DLG2: variants seen among roughly 807,000 people sequenced by gnomAD.
The protein encoded by DLG2 is discs large MAGUK scaffold protein 2.
DLG2 carries 45 observed loss-of-function variants against 132.5 expected under a neutral mutation model. That is an observed-to-expected ratio of 0.34 (90% confidence interval 0.27 to 0.44). DLG2 has a LOEUF of 0.44. Among genes scored for constraint, DLG2 ranks in the 20% least tolerant of loss-of-function variants. The probability of loss-of-function intolerance (pLI) is 1.00; values close to 1 mark genes in which losing one functional copy is unlikely to be tolerated. For synonymous variants in DLG2, 424 were observed against 419.6 expected, an observed-to-expected ratio of 1.01 and a Z score of -0.13; for missense variants, 1,045 against 1,196.9, an observed-to-expected ratio of 0.87 and a Z score of 1.87.
In DLG2 at chr11:83,962,874, G is replaced by C. The variant is rs1200573491; in HGVS notation, c.1340+11C>G. ...AAGAGCAAATCCAATTAACTAACAG[G>C]CATATCTGACCTGGTGTAGTCGTCG... is the stretch of plus-strand genomic sequence containing the variant. On this transcript the variant is annotated intron_variant, in intron 14 of 27. Transcript: ENST00000376104. The C allele has an allele frequency of 6.2e-7, 1 of 1,611,896 alleles. No homozygotes were observed. The highest frequency in any genetic ancestry group is 1.7e-5 in the Admixed American group (1 of 59,920).
At chr11:85,145,114 CA>C (rs2076753437) in intron 5 of DLG2, among the ~76,000 whole-genome samples, 2 of 148,884 alleles carry the variant, frequency 1.3e-5, no homozygotes, top group East Asian at 3.9e-4. Context: ...AAAGTTGTTT[CA>C]TTTTTTTTTT....
At chr11:84,636,985 G>A (rs1302767318) in intron 6 of DLG2, among the ~76,000 whole-genome samples, 4 of 151,116 alleles carry the variant, frequency 2.6e-5, no homozygotes, top group Admixed American at 1.3e-4. Context: ...ACGGGTCTTC[G>A]CCATGTTGGC....
rs574254623 is a variant in DLG2 at position 85,064,070 on chromosome 11, C to T, written c.357+47591G>A. Among the ~76,000 whole-genome samples, 80 of 151,788 alleles carry T rather than the reference C, an allele frequency of 5.3e-4. 2 individuals carry two copies. The highest frequency in any genetic ancestry group is 1.9e-3 in the African/African-American group (78 of 41,434). ...GGGTATGTTTGTTAAAAAACAAATA[C>T]GAGGACAAAACTGAATGTCTGTCAT... is the stretch of plus-strand genomic sequence containing the variant. On this transcript the variant is annotated intron_variant, in intron 6 of 27. Transcript: ENST00000376104.
chr11:83,544,530 G>GGACC (rs1287769868), intron 19 of DLG2, among the ~76,000 whole-genome samples: 1 of 152,010 alleles, frequency 6.6e-6, no homozygotes, highest in Admixed American at 6.6e-5. Context: ...CAGCAACCTA[G>GGACC]GACCAGAACT....
intron 10 of DLG2, 129 bp from the exon 11 acceptor site, chr11:84,059,613 T>A (rs1463127187): frequency 1.3e-6 from 1 of 753,576 alleles, no homozygotes; most frequent in Non-Finnish European, 2.0e-6. Flanking sequence ...TATTTAAATT[T>A]GGAAGGATGC....
intron 9 of DLG2, among the ~76,000 whole-genome samples, chr11:84,100,869 A>G (rs2092461327): frequency 6.6e-6 from 1 of 152,080 alleles, no homozygotes; most frequent in South Asian, 2.1e-4. Flanking sequence ...AATTTATAAA[A>G]CTGATTTCCA....
chr11:83,469,032 A>C (rs1341415191), intron 25 of DLG2, among the ~76,000 whole-genome samples, 169 bp downstream of exon 25: 1 of 152,128 alleles, frequency 6.6e-6, no homozygotes, highest in East Asian at 1.9e-4. Flanking sequence ...AATTAGAACA[A>C]AGATTAATGA....
chr11:83,558,159 C>T (rs1044128943), intron 19 of DLG2, among the ~76,000 whole-genome samples: 5 of 152,096 alleles, frequency 3.3e-5, no homozygotes, highest in Non-Finnish European at 7.4e-5. Context: ...TTACTTAGTC[C>T]AAAACCTCCC....
At chr11:85,057,781 C>T (rs765638382) in intron 6 of DLG2, among the ~76,000 whole-genome samples, 12 of 151,240 alleles carry the variant, frequency 7.9e-5, no homozygotes, top group Non-Finnish European at 1.8e-4. Context: ...AAGAATAACA[C>T]CACATAATTT....
chr11:83,486,592 G>C (rs1014804963), intron 21 of DLG2, among the ~76,000 whole-genome samples: 2 of 152,072 alleles, frequency 1.3e-5, no homozygotes, highest in Non-Finnish European at 2.9e-5. Context: ...CATTTCCCAA[G>C]TATGAAAATG....
intron 4 of DLG2, among the ~76,000 whole-genome samples, chr11:85,244,868 G>T (rs1257145573): frequency 6.6e-6 from 1 of 151,888 alleles, no homozygotes; most frequent in East Asian, 1.9e-4. Context: ...AGGTGATTCA[G>T]ATATTGATCA....
At chr11:84,872,398 G>T (rs189975028) in intron 6 of DLG2, among the ~76,000 whole-genome samples, 158 of 152,268 alleles carry the variant, frequency 1.0e-3, no homozygotes, top group African/African-American at 3.7e-3. Context: ...AGTGTAATAG[G>T]CAGCATCAGT....
chr11:84,444,934 C>G (rs999921640), intron 7 of DLG2, among the ~76,000 whole-genome samples: 1 of 151,990 alleles, frequency 6.6e-6, no homozygotes, highest in African/African-American at 2.4e-5. Flanking sequence ...TCCCGAATAG[C>G]TGGGATTACA....
At chr11:85,501,306 C>A (rs557468580) in intron 3 of DLG2, among the ~76,000 whole-genome samples, 1 of 152,166 alleles carries the variant, frequency 6.6e-6, no homozygotes, top group Admixed American at 6.6e-5. Flanking sequence ...GACCTAGGAC[C>A]ATAAAAATCC....
chr11:83,518,581 C>T (rs2095376227), intron 21 of DLG2, among the ~76,000 whole-genome samples: 1 of 152,190 alleles, frequency 6.6e-6, no homozygotes, highest in South Asian at 2.1e-4. Flanking sequence ...CCCAGTACCT[C>T]AGTTGGAAAT....
At chr11:84,588,967 C>G (rs1230189110) in intron 6 of DLG2, among the ~76,000 whole-genome samples, 2 of 152,064 alleles carry the variant, frequency 1.3e-5, no homozygotes, top group South Asian at 2.1e-4. Context: ...GATTGGGACC[C>G]CTTTCTGGTA....
intron 7 of DLG2, among the ~76,000 whole-genome samples, chr11:84,327,178 G>T (rs758922621): frequency 2.6e-4 from 37 of 143,596 alleles, no homozygotes; most frequent in South Asian, 8.9e-4. Context: ...GTGCGGTGGT[G>T]CAATCTCGGC....
chr11:84,504,441 C>T (rs558436319), intron 7 of DLG2, among the ~76,000 whole-genome samples: 16 of 152,230 alleles, frequency 1.1e-4, no homozygotes, highest in South Asian at 1.0e-3. Flanking sequence ...TATTATCAAA[C>T]GCTGTTACCA....
intron 6 of DLG2, among the ~76,000 whole-genome samples, chr11:84,829,486 G>A (rs1167489433): frequency 6.6e-6 from 1 of 151,708 alleles, no homozygotes; most frequent in African/African-American, 2.4e-5. Flanking sequence ...AAATGATCAT[G>A]AATTATAAAG....
Sources: gnomAD v4.1 joint callset for allele counts (sites outside exome capture counted in the v4.1 genomes callset) on GRCh38, gnomAD v4.1.1 for gene constraint, MANE v1.5 for transcripts, NCBI Gene and HGNC (gene_info 2026-07-23, HGNC 2026-07-21) for gene names.